Variants in CYYR1 observed in about 807,000 individuals in gnomAD.
CYYR1 encodes the protein cysteine and tyrosine rich 1.
Under a neutral mutation model 15.2 loss-of-function variants are expected in CYYR1, and 14 were observed. That is an observed-to-expected ratio of 0.92 (90% CI 0.61 to 1.44). CYYR1 has a LOEUF of 1.44. CYYR1 is among the 40% of genes most tolerant of loss of function. The pLI is 0.00. For missense variants in CYYR1, 228 were observed against 209.5 expected (o/e 1.09, Z -0.54); for synonymous variants, 80 against 77.4 (o/e 1.03, Z -0.18).
chr21:26,540,018 T>G (rs987367768), intron 2 of CYYR1, among the ~76,000 whole-genome samples: 3 of 152,224 alleles, frequency 2.0e-5, no homozygotes, highest in Non-Finnish European at 2.9e-5. Context: ...GGAAGGCCTC[T>G]TTTTTGTGTT....
intron 2 of CYYR1, among the ~76,000 whole-genome samples, chr21:26,549,455 T>C (rs941624364): frequency 6.6e-6 from 1 of 152,248 alleles, no homozygotes; most frequent in African/African-American, 2.4e-5. Context: ...GGACTGTACA[T>C]TTCTCTTAAT....
At chr21:26,523,439 A>G (rs2065826989) in intron 2 of CYYR1, among the ~76,000 whole-genome samples, 1 of 152,168 alleles carries the variant, frequency 6.6e-6, no homozygotes, top group Non-Finnish European at 1.5e-5. Flanking sequence ...CAATCAGATC[A>G]TTCCATTCCC....
At chr21:26,512,278 A>G (rs2065658550) in intron 2 of CYYR1, among the ~76,000 whole-genome samples, 1 of 151,952 alleles carries the variant, frequency 6.6e-6, no homozygotes, top group African/African-American at 2.4e-5. Context: ...GGCTCACTGC[A>G]ACCTCCGTCT....
intron 2 of CYYR1, among the ~76,000 whole-genome samples, chr21:26,486,538 T>TC (rs967300554): frequency 3.3e-5 from 5 of 152,062 alleles, no homozygotes; most frequent in African/African-American, 1.2e-4. Context: ...GCATTCCTCA[T>TC]CCCCCCATCG....
At chr21:26,560,193 T>G (rs534578329) in intron 2 of CYYR1, among the ~76,000 whole-genome samples, 1 of 152,352 alleles carries the variant, frequency 6.6e-6, no homozygotes, top group East Asian at 1.9e-4. Flanking sequence ...GGATATATTA[T>G]AGTTTTAAAT....
At chr21:26,523,786 C>T (rs1212443142) in intron 2 of CYYR1, among the ~76,000 whole-genome samples, 1 of 152,162 alleles carries the variant, frequency 6.6e-6, no homozygotes, top group Non-Finnish European at 1.5e-5. Flanking sequence ...ACTCATCACA[C>T]CATCTTGCCT....
rs1168603451 is a variant in CYYR1 at position 26,466,566 on chromosome 21, T to C, written c.*1935A>G. On this transcript the variant is annotated 3_prime_UTR_variant, in exon 4 of 4. Coordinates refer to ENST00000652641, the MANE Select transcript of CYYR1 (RefSeq NM_001320768.2). ...CAGAATATAGGAGGTACGCAATAAATGTTTATTGATGGTGAAGATGAGAAA... is the reference window on the plus strand; with the variant it reads ...CAGAATATAGGAGGTACGCAATAAACGTTTATTGATGGTGAAGATGAGAAA... 2 of 152,158 alleles carry C rather than the reference T, an allele frequency of 1.3e-5. No homozygotes were observed. Among genetic ancestry groups the C allele is most frequent in the Non-Finnish European group, 2.9e-5 (2 of 68,020 alleles). The allele number at this position is 152,158 out of a possible 1,614,324, so 9.4% of individuals were successfully genotyped here. A position where few individuals can be genotyped will look rare whatever the true frequency, so the allele number is the denominator to read the frequency against.
chr21:26,473,637 C>T (rs1481649685), intron 3 of CYYR1, among the ~76,000 whole-genome samples: 1 of 152,178 alleles, frequency 6.6e-6, no homozygotes, highest in African/African-American at 2.4e-5. Flanking sequence ...CCATGCAACT[C>T]CTGCTTTCAG....
At chr21:26,493,794 G>A (rs1490192967) in intron 2 of CYYR1, among the ~76,000 whole-genome samples, 2 of 152,148 alleles carry the variant, frequency 1.3e-5, no homozygotes, top group African/African-American at 4.8e-5. Flanking sequence ...GCTTACTGTT[G>A]TTGCTTACTG....
At chr21:26,529,079 G>C (rs1033016090) in intron 2 of CYYR1, among the ~76,000 whole-genome samples, 1 of 152,122 alleles carries the variant, frequency 6.6e-6, no homozygotes, top group Admixed American at 6.6e-5. Flanking sequence ...TTTATATATA[G>C]TACTTATTAG....
In CYYR1 at chr21:26,467,901, T is replaced by G. The variant is rs219642; in HGVS notation, c.*600A>C. 0.12 allele frequency: 18,648 copies of G among 159,200 alleles called. 1,659 individuals are homozygous for G. The highest frequency in any genetic ancestry group is 0.24 in the African/African-American group (10,118 of 41,498). 9.9% of individuals were successfully genotyped at this position (159,200 alleles called of 1,614,324 possible). On this transcript the variant is annotated 3_prime_UTR_variant, in exon 4 of 4. Coordinates refer to ENST00000652641, the MANE Select transcript of CYYR1 (RefSeq NM_001320768.2). ...TCTACTATTTGATTTTGTTATCCCT[T>G]CTGGAGCGTGTCTCTACCAAGAGCT...
chr21:26,470,284 T>TTGACAGTGTTC (rs2065018485), intron 3 of CYYR1, among the ~76,000 whole-genome samples: 1 of 152,146 alleles, frequency 6.6e-6, no homozygotes, highest in Non-Finnish European at 1.5e-5. Context: ...TAATAAGAAT[T>TTGACAGTGTTC]TGACAGTGTT....
intron 2 of CYYR1, among the ~76,000 whole-genome samples, chr21:26,552,891 A>G (rs1463099254): frequency 1.3e-5 from 2 of 152,154 alleles, no homozygotes; most frequent in Non-Finnish European, 2.9e-5. Flanking sequence ...AACAAACTCA[A>G]GAGGAGAAAA....
At chr21:26,516,666 T>C (rs1249966394) in intron 2 of CYYR1, among the ~76,000 whole-genome samples, 1 of 152,258 alleles carries the variant, frequency 6.6e-6, no homozygotes, top group East Asian at 1.9e-4. Flanking sequence ...TTCACTTGTA[T>C]TGGCCTCTGG....
At chr21:26,485,074 G>A (rs1166637967) in intron 2 of CYYR1, among the ~76,000 whole-genome samples, 1 of 152,056 alleles carries the variant, frequency 6.6e-6, no homozygotes, top group East Asian at 1.9e-4. Flanking sequence ...CTGTTGGAAA[G>A]TGAGAAGCTA....
intron 2 of CYYR1, among the ~76,000 whole-genome samples, chr21:26,559,961 T>C (rs1166253974): frequency 6.6e-6 from 1 of 152,210 alleles, no homozygotes; most frequent in Non-Finnish European, 1.5e-5. Context: ...GCCCATTCTT[T>C]CAAATTCAAC....
chr21:26,495,680 G>A (rs574783641), intron 2 of CYYR1, among the ~76,000 whole-genome samples: 38 of 152,230 alleles, frequency 2.5e-4, no homozygotes, highest in African/African-American at 9.2e-4. Flanking sequence ...ACTTGAGAGA[G>A]AGCCACACGG....
chr21:26,481,052 C>T lies in CYYR1; in HGVS notation c.177-623G>A, dbSNP rs539948888. On this transcript the variant is annotated intron_variant, in intron 2 of 3. Transcript: ENST00000652641. ...CTACTAATGTTAATGGTTTCTTTCC[C>T]GCAGAAAGTTTTAGCTCATGCAACA... is the stretch of plus-strand genomic sequence containing the variant. 1.1e-4 allele frequency among the ~76,000 whole-genome samples: 17 copies of T among 151,982 alleles called. 1 individual carries two copies. The highest frequency in any genetic ancestry group is 2.9e-4 in the African/African-American group (12 of 41,454).
At chr21:26,484,569 T>C (rs2065227087) in intron 2 of CYYR1, among the ~76,000 whole-genome samples, 1 of 151,988 alleles carries the variant, frequency 6.6e-6, no homozygotes, top group South Asian at 2.1e-4. Flanking sequence ...AGGAGATAAT[T>C]CGAAGTGAGA....
Sources: allele counts gnomAD v4.1 joint callset (sites outside exome capture counted in the v4.1 genomes callset), GRCh38; gene constraint gnomAD v4.1.1; transcripts MANE v1.5; gene names NCBI Gene and HGNC (gene_info 2026-07-23, HGNC 2026-07-21).